NPC1L1: variants seen among roughly 807,000 people sequenced by gnomAD.
NPC1L1 encodes the protein NPC1 like intracellular cholesterol transporter 1, also known as NPC1-like intracellular cholesterol transporter 1.
NPC1L1 carries 98 observed loss-of-function variants against 117.0 expected under a neutral mutation model. The observed-to-expected ratio is 0.84, with a 90% CI of 0.71 to 0.99. The LOEUF (loss-of-function observed/expected upper bound fraction) is 0.99, where lower values mean the gene tolerates loss of function less well. NPC1L1 is among the 50% of genes least tolerant of loss of function. The pLI is 0.00. For missense variants in NPC1L1, 1,540 were observed against 1,710.0 expected, an observed-to-expected ratio of 0.90 and a Z score of 1.75; for synonymous variants, 729 against 727.6, an observed-to-expected ratio of 1.00 and a Z score of -0.03.
At chr7:44,516,053 G>A in intron 17 of NPC1L1, 31 bp downstream of exon 17, 1 of 1,606,562 alleles carries the variant, frequency 6.2e-7, no homozygotes, top group Non-Finnish European at 8.5e-7. Flanking sequence ...TGTCGAGTGG[G>A]GCACAGGGTG....
chr7:44,531,725 G>C (rs759553325), intron 10 of NPC1L1, 30 bp downstream of exon 10: 272 of 1,547,042 alleles, frequency 1.8e-4, no homozygotes, highest in Middle Eastern at 8.9e-4. Context: ...AATCCCAGGG[G>C]CCTAAGGGTT....
At position 44,539,071 on chromosome 7, in the gene NPC1L1, C is replaced by CAGGAG; in HGVS notation, c.1325_1326insCTCCT (p.Glu443SerfsTer5). The CAGGAG allele has an allele frequency of 2.5e-6, 4 of 1,614,092 alleles. No individual in the cohort carries two copies. Among genetic ancestry groups the CAGGAG allele is most frequent in the Non-Finnish European group, 3.4e-6 (4 of 1,179,972 alleles). ...GCCTCTCCTGCAGCTCTAGCAGCTCCAGCAGCAAGTCCAGGTCCAGGATTC... is the reference window on the plus strand; with the variant it reads ...GCCTCTCCTGCAGCTCTAGCAGCTCCAGGAGAGCAGCAAGTCCAGGTCCAGGATTC... On this transcript the variant is annotated frameshift_variant, in exon 2 of 19. Transcript: ENST00000381160. LOFTEE classifies it high-confidence loss of function. This position sits in a 1 kb window ranked among gnomAD's most constrained non-coding sequence, Gnocchi z 4.4.
At chr7:44,529,720 A>G (rs1801637200) in intron 10 of NPC1L1, among the ~76,000 whole-genome samples, 1 of 151,950 alleles carries the variant, frequency 6.6e-6, no homozygotes. Flanking sequence ...TGAGGTGCCT[A>G]GAGTGGTCAA....
intron 14 of NPC1L1, among the ~76,000 whole-genome samples, chr7:44,519,111 A>G (rs1039238035): frequency 2.0e-5 from 3 of 150,924 alleles, no homozygotes; most frequent in Non-Finnish European, 4.4e-5. Flanking sequence ...TCTCAGACAG[A>G]CTAGACTCCT....
chr7:44,531,812 G>T lies in NPC1L1; in HGVS notation c.2580C>A (p.Ser860Arg). The T allele has an allele frequency of 6.3e-7, 1 of 1,589,532 alleles. No homozygotes were observed. Among genetic ancestry groups the T allele is most frequent in the Non-Finnish European group, 8.6e-7 (1 of 1,168,340 alleles). Residue 860 changes from serine (S) to arginine (R), a missense_variant, in exon 10 of 19, where the codon AGC becomes AGA. Coordinates refer to ENST00000381160, the MANE Select transcript of NPC1L1 (RefSeq NM_001101648.2). ...CGCTGATGTGGCACATGGAGTAGAG[G>T]CTCACTCCGAACAGGGCGAGAAACA... is the stretch of plus-strand genomic sequence containing the variant. ...LLLFLALFGVSLYSMCHISVG... is the reference protein window; with the variant it reads ...LLLFLALFGVRLYSMCHISVG...
Position 44,513,417 on chromosome 7 carries a change from C to G in NPC1L1, c.*30G>C. On this transcript the variant is annotated 3_prime_UTR_variant, in exon 19 of 19. Transcript: ENST00000381160. ...TCCCCATAACCCTTTGGTTCAGGGC[C>G]ATAGAGCCTAGACAGGGCCTCTGGC... is the stretch of plus-strand genomic sequence containing the variant. 1 of 1,607,436 alleles carries G rather than the reference C, an allele frequency of 6.2e-7. No homozygotes were observed. Among genetic ancestry groups the G allele is most frequent in the Non-Finnish European group, 8.5e-7 (1 of 1,174,072 alleles).
At chr7:44,518,212 G>A (rs1033400991) in intron 14 of NPC1L1, among the ~76,000 whole-genome samples, 17 of 151,782 alleles carry the variant, frequency 1.1e-4, no homozygotes, top group African/African-American at 3.4e-4. Flanking sequence ...CACTGTCACC[G>A]CAGCTGGAGT....
rs748747613 is a variant in NPC1L1 at position 44,520,824 on chromosome 7, CAAG to C, written c.3081-7_3081-5del. The C allele has an allele frequency of 2.5e-6, 4 of 1,614,098 alleles. No homozygotes were observed. The highest frequency in any genetic ancestry group is 2.2e-5 in the South Asian group (2 of 91,084). ...GGTGCTGTATGCTGCCAGGCCGCTG[CAAG>C]AAGGTCAGGGCAAAGGCTTAGCCAG... On this transcript the variant is annotated splice_region_variant and splice_polypyrimidine_tract_variant and intron_variant, in intron 13 of 18. Coordinates refer to ENST00000381160, the MANE Select transcript of NPC1L1 (RefSeq NM_001101648.2).
intron 10 of NPC1L1, among the ~76,000 whole-genome samples, chr7:44,529,647 G>A (rs1490445817): frequency 2.6e-5 from 4 of 151,576 alleles, no homozygotes; most frequent in African/African-American, 7.3e-5. Context: ...CAAAGTGCTG[G>A]GATTACAGGA....
intron 8 of NPC1L1, among the ~76,000 whole-genome samples, chr7:44,532,606 C>G (rs879117133): frequency 6.6e-6 from 1 of 152,252 alleles, no homozygotes; most frequent in Non-Finnish European, 1.5e-5. Context: ...TGAAGACCCT[C>G]ATGATGATCC....
chr7:44,520,737 C>G (rs1241178317), intron 14 of NPC1L1, 28 bp downstream of exon 14: 8 of 1,609,232 alleles, frequency 5.0e-6, no homozygotes, highest in Non-Finnish European at 6.8e-6. Flanking sequence ...CGATTTATGT[C>G]CTCCCCTCCA....
At position 44,540,014 on chromosome 7, in the gene NPC1L1, G is replaced by T. The variant is rs149337001; in HGVS notation, c.383C>A (p.Thr128Lys). 1.9e-6 allele frequency: 3 copies of T among 1,614,220 alleles called. No individual in the cohort carries two copies. The highest frequency in any genetic ancestry group is 3.3e-5 in the Admixed American group (2 of 60,022). The change falls in exon 2 of 19, where the codon ACG becomes AAG. Residue 128 changes from threonine to lysine, a missense_variant. Around this residue, in one of 3 missense-constraint regions of NPC1L1, gnomAD observed 793 missense variants for 820.4 expected, o/e 0.97. Coordinates refer to ENST00000381160, the MANE Select transcript of NPC1L1 (RefSeq NM_001101648.2). ...DNFVNLHCHN[T>K]CSPNQSLFIN... ...GAAGAGGCTCTGATTGGGGCTGCACGTGTTGTGGCAGTGCAGGTTCACAAA... is the reference window on the plus strand; with the variant it reads ...GAAGAGGCTCTGATTGGGGCTGCACTTGTTGTGGCAGTGCAGGTTCACAAA...
At chr7:44,527,276 T>C (rs1423913666) in intron 10 of NPC1L1, among the ~76,000 whole-genome samples, 1 of 151,526 alleles carries the variant, frequency 6.6e-6, no homozygotes, top group Non-Finnish European at 1.5e-5. Context: ...CTGACCAACA[T>C]GGAGAAACCC....
At chr7:44,525,378 C>T (rs990334056) in intron 10 of NPC1L1, among the ~76,000 whole-genome samples, 4 of 152,160 alleles carry the variant, frequency 2.6e-5, no homozygotes, top group Admixed American at 6.5e-5. Flanking sequence ...CTGCCTCAGC[C>T]TCCCAAGTAT....
chr7:44,512,617 G>T lies in NPC1L1; in HGVS notation c.*830C>A, dbSNP rs1441482962. ...CATCTCCACTGCAGTTCATGCTTCT[G>T]GAGAGCTGTCCAAAAGCTCGGGTTG... On this transcript the variant is annotated 3_prime_UTR_variant, in exon 19 of 19. Coordinates refer to ENST00000381160, the MANE Select transcript of NPC1L1 (RefSeq NM_001101648.2). 6.6e-6 allele frequency: 1 copy of T among 152,486 alleles called. No homozygotes were observed. Among genetic ancestry groups the T allele is most frequent in the Admixed American group, 6.5e-5 (1 of 15,300 alleles). 9.4% of individuals were successfully genotyped at this position (152,486 alleles called of 1,614,324 possible). A position where few individuals can be genotyped will look rare whatever the true frequency, so the allele number is the denominator to read the frequency against.
intron 18 of NPC1L1, among the ~76,000 whole-genome samples, chr7:44,515,246 C>A (rs920295854): frequency 6.6e-6 from 1 of 150,810 alleles, no homozygotes; most frequent in Admixed American, 6.6e-5. Context: ...CCCAGCTACT[C>A]GGGAGGCTGA....
rs770058070 is a variant in NPC1L1, at chr7:44,532,124, C to A, written c.2503G>T (p.Ala835Ser). The stretch of plus-strand genomic sequence containing the variant: ...CAGTGCAGCAGGAAGGGGGCATAAG[C>A]CTTTTGGAAGAAGCCAAGCAGGAGC... ...EGLLLGFFQK[A>S]YAPFLLHWIT... Residue 835 changes from alanine (A) to serine (S), a missense_variant, in exon 9 of 19, where the codon GCT becomes TCT. Around this residue, in one of 3 missense-constraint regions of NPC1L1, gnomAD observed 742 missense variants for 873.6 expected, o/e 0.85. Coordinates refer to ENST00000381160, the MANE Select transcript of NPC1L1 (RefSeq NM_001101648.2). 15 of 1,614,042 alleles carry A rather than the reference C, an allele frequency of 9.3e-6. No homozygotes were observed. In the Admixed American group the frequency reaches 2.2e-4, roughly 23 times the overall value.
intron 14 of NPC1L1, among the ~76,000 whole-genome samples, chr7:44,519,723 T>A (rs1164643993): frequency 6.6e-6 from 1 of 152,158 alleles, no homozygotes; most frequent in East Asian, 1.9e-4. Context: ...ATGGCTGTCT[T>A]GTTCTGCCAT....
chr7:44,516,138 G>C lies in NPC1L1; in HGVS notation c.3579C>G (p.Thr1193=). The C allele has an allele frequency of 6.2e-7, 1 of 1,612,968 alleles. No homozygotes were observed. Among genetic ancestry groups the C allele is most frequent in the Non-Finnish European group, 8.5e-7 (1 of 1,179,546 alleles). ...TGGCCCTCTCCAGCCAGGTGGGCTT[G>C]GTGCTGATGGCAAAGGAGCGGGTAA... ...SHITRSFAIS[T]KPTWLERAKE... Residue 1193 remains threonine, a synonymous_variant, in exon 17 of 19, where the codon ACC becomes ACG. Transcript: ENST00000381160.
Sources: gnomAD v4.1 joint callset for allele counts (sites outside exome capture counted in the v4.1 genomes callset) on GRCh38, gnomAD v4.1.1 for gene constraint, gnomAD v4.1.1 regional missense constraint, Gnocchi (gnomAD v3.1) non-coding constraint, MANE v1.5 for transcripts, NCBI Gene and HGNC (gene_info 2026-07-23, HGNC 2026-07-21) for gene names.